REEP1: variants seen among roughly 807,000 people sequenced by gnomAD.
The protein encoded by REEP1 is receptor accessory protein 1, also known as receptor expression-enhancing protein 1.
A neutral mutation model predicts 40.3 loss-of-function variants in REEP1; 22 were observed. The observed-to-expected ratio is 0.55, with a 90% CI of 0.39 to 0.78. REEP1 has a LOEUF of 0.78. REEP1 is among the 30% of genes least tolerant of loss of function. The pLI is 0.00. For synonymous variants in REEP1, 116 were observed against 139.2 expected, an observed-to-expected ratio of 0.83 and a Z score of 1.17; for missense variants, 280 against 361.1, an observed-to-expected ratio of 0.78 and a Z score of 1.82.
chr2:86,331,520 A>G (rs1680760525), intron 1 of REEP1, among the ~76,000 whole-genome samples: 1 of 150,528 alleles, frequency 6.6e-6, no homozygotes, highest in Non-Finnish European at 1.5e-5. Flanking sequence ...AGTGAAAGGA[A>G]AAAAAAAAGG....
chr2:86,337,662 T>C, upstream of REEP1: 2 of 1,021,322 alleles, frequency 2.0e-6, no homozygotes, highest in Non-Finnish European at 2.3e-6. The surrounding 1 kb of genome is among the most constrained non-coding windows in gnomAD (Gnocchi z 5.8). Context: ...GTTCGCGCGT[T>C]GGCGCAGCCG....
chr2:86,275,105 G>A (rs1246018808), intron 2 of REEP1, among the ~76,000 whole-genome samples: 1 of 152,110 alleles, frequency 6.6e-6, no homozygotes, highest in Admixed American at 6.5e-5. Context: ...TGGGCCCTGC[G>A]CTTCAGCCTC....
At chr2:86,326,839 C>G (rs1452726908) in intron 1 of REEP1, among the ~76,000 whole-genome samples, 1 of 152,246 alleles carries the variant, frequency 6.6e-6, no homozygotes, top group East Asian at 1.9e-4. Context: ...GAAACCTTTT[C>G]CTTCCAGCAA....
chr2:86,247,134 G>A (rs1676012483), intron 5 of REEP1, among the ~76,000 whole-genome samples: 3 of 152,006 alleles, frequency 2.0e-5, no homozygotes. Context: ...CCTCTGGATG[G>A]AATTACCAGT....
At chr2:86,240,445 G>A (rs866665646) in intron 5 of REEP1, among the ~76,000 whole-genome samples, 64 of 152,202 alleles carry the variant, frequency 4.2e-4, no homozygotes, top group African/African-American at 1.5e-3. Flanking sequence ...ACAAGGGGTC[G>A]AACCCGAGTG....
chr2:86,335,509 C>A (rs1407099189), intron 1 of REEP1, among the ~76,000 whole-genome samples: 1 of 152,104 alleles, frequency 6.6e-6, no homozygotes, highest in Non-Finnish European at 1.5e-5. Context: ...TGAGACACCT[C>A]CCAAATATAT....
At chr2:86,286,069 C>A (rs1284632469) in intron 1 of REEP1, among the ~76,000 whole-genome samples, 4 of 152,110 alleles carry the variant, frequency 2.6e-5, no homozygotes, top group African/African-American at 9.7e-5. Context: ...GAAGCCCCGA[C>A]TCTGTGTAAA....
intron 1 of REEP1, among the ~76,000 whole-genome samples, chr2:86,306,060 C>T (rs1573020502): frequency 6.6e-6 from 1 of 152,172 alleles, no homozygotes; most frequent in African/African-American, 2.4e-5. Flanking sequence ...AATTTTAAAA[C>T]TGCCAAACTT....
chr2:86,316,726 G>A (rs1049877467), intron 1 of REEP1, among the ~76,000 whole-genome samples: 2 of 151,590 alleles, frequency 1.3e-5, no homozygotes, highest in Non-Finnish European at 2.9e-5. Flanking sequence ...GGGCGTGGTG[G>A]TGCATGCCTG....
chr2:86,297,505 A>G (rs937486249), intron 1 of REEP1, among the ~76,000 whole-genome samples: 2 of 152,362 alleles, frequency 1.3e-5, no homozygotes, highest in Admixed American at 6.5e-5. Flanking sequence ...AAGGGCTGAC[A>G]TAGGAGCCAT....
intron 3 of REEP1, among the ~76,000 whole-genome samples, chr2:86,259,339 A>G (rs181896514): frequency 2.6e-5 from 4 of 151,640 alleles, no homozygotes; most frequent in African/African-American, 7.3e-5. Flanking sequence ...TCTTCAGTGT[A>G]TTGTTTCTAT....
At chr2:86,252,284 G>A (rs1037784793) in intron 4 of REEP1, among the ~76,000 whole-genome samples, 6 of 152,060 alleles carry the variant, frequency 3.9e-5, no homozygotes, top group African/African-American at 1.4e-4. Flanking sequence ...TGCAACTTAC[G>A]GATCCAGCGA....
chr2:86,295,816 G>T (rs938517803), intron 1 of REEP1, among the ~76,000 whole-genome samples: 4 of 152,194 alleles, frequency 2.6e-5, no homozygotes. Context: ...TAGGATTACA[G>T]GCGTGAGCCA....
rs141802690 is a variant in REEP1, at chr2:86,287,167, C to A, written c.33-4925G>T. ...GCAGTAGCATGATCTCTGCTCACTG[C>A]AACCTCTGCCTCCCAGGTTCAAGTG... On this transcript the variant is annotated intron_variant, in intron 1 of 8. Coordinates refer to ENST00000538924, the MANE Select transcript of REEP1 (RefSeq NM_001371279.1). Among the ~76,000 whole-genome samples, 553 of 152,310 alleles carry A rather than the reference C, an allele frequency of 3.6e-3. 22 individuals are homozygous for A. In the East Asian group the frequency reaches 0.073, roughly 20 times the overall value.
chr2:86,280,110 G>C (rs958400047), intron 2 of REEP1: 1 of 449,858 alleles, frequency 2.2e-6, no homozygotes, highest in Non-Finnish European at 4.5e-6. Context: ...AAGGAAACTC[G>C]CAGGTTTCTC....
intron 8 of REEP1, among the ~76,000 whole-genome samples, chr2:86,217,443 C>A (rs1674178023): frequency 6.6e-6 from 1 of 152,156 alleles, no homozygotes; most frequent in Non-Finnish European, 1.5e-5. Context: ...GAAAGAGACA[C>A]CTCCGCATGC....
rs753785265 is a variant in REEP1 at position 86,264,003 on chromosome 2, G to A, written c.144C>T (p.Phe48=). The change falls in exon 3 of 9, where the codon TTC becomes TTT. Residue 48 remains phenylalanine, a synonymous_variant. Coordinates refer to ENST00000538924, the MANE Select transcript of REEP1 (RefSeq NM_001371279.1). ...TGTCTGTGAATGTCTCTGCTGTGGT[G>A]AAAAGTGCAAATATAATCCAGTACA... is the stretch of plus-strand genomic sequence containing the variant. ...WMMYWIIFAL[F]TTAETFTDIF... 11 of 1,613,600 alleles carry A rather than the reference G, an allele frequency of 6.8e-6. No homozygotes were observed. Among genetic ancestry groups the A allele is most frequent in the African/African-American group, 1.3e-5 (1 of 74,898 alleles).
intron 2 of REEP1, among the ~76,000 whole-genome samples, chr2:86,264,690 T>C (rs1361396387): frequency 6.6e-6 from 1 of 152,244 alleles, no homozygotes; most frequent in Non-Finnish European, 1.5e-5. Flanking sequence ...CTTAGTCTAC[T>C]CCTTCTGGCT....
chr2:86,295,900 T>C (rs1462324840), intron 1 of REEP1, among the ~76,000 whole-genome samples: 2 of 152,216 alleles, frequency 1.3e-5, no homozygotes, highest in African/African-American at 2.4e-5. Flanking sequence ...TGAGAATTCC[T>C]CTTTAACAAC....
Sources: gnomAD v4.1 joint callset for allele counts (sites outside exome capture counted in the v4.1 genomes callset) on GRCh38, gnomAD v4.1.1 for gene constraint, Gnocchi (gnomAD v3.1) non-coding constraint, MANE v1.5 for transcripts, NCBI Gene and HGNC (gene_info 2026-07-23, HGNC 2026-07-21) for gene names.